MAML1: variants seen among roughly 807,000 people sequenced by gnomAD.
MAML1 encodes mastermind like transcriptional coactivator 1.
Under a neutral mutation model 77.1 loss-of-function variants are expected in MAML1, and 14 were observed. The observed-to-expected ratio is 0.18, with a 90% CI of 0.12 to 0.28. The LOEUF is 0.28. Ranked by LOEUF, MAML1 falls within the 10% of genes least tolerant of loss-of-function variation. The pLI, the probability that MAML1 is intolerant of heterozygous loss-of-function variation, is 1.00. For synonymous variants in MAML1, 516 were observed against 551.9 expected, an observed-to-expected ratio of 0.93 and a Z score of 0.91; for missense variants, 1,217 against 1,327.8, an observed-to-expected ratio of 0.92 and a Z score of 1.30.
Position 179,766,484 on chromosome 5 carries a change from C to T in MAML1, c.1474C>T (p.His492Tyr), listed in dbSNP as rs1779822019. The T allele has an allele frequency of 1.9e-6, 3 of 1,608,524 alleles. No individual in the cohort carries two copies. The highest frequency in any genetic ancestry group is 2.2e-5 in the East Asian group (1 of 44,858). Residue 492 changes from histidine (H) to tyrosine (Y), a missense_variant, in exon 2 of 5, where the codon CAC becomes TAC. Coordinates refer to ENST00000292599, the MANE Select transcript of MAML1 (RefSeq NM_014757.5). The surrounding 1 kb of genome is among the most constrained non-coding windows in gnomAD (Gnocchi z 4.0). Reference protein sequence around the residue: ...LQPSHVNLLSHQPPSNLNQNS... With the variant: ...LQPSHVNLLSYQPPSNLNQNS... ...GCCCAGCCATGTGAACCTGCTGAGTCACCAGCCACCGAGTAACTTGAATCA... is the reference window on the plus strand; with the variant it reads ...GCCCAGCCATGTGAACCTGCTGAGTTACCAGCCACCGAGTAACTTGAATCA...
chr5:179,772,892 TCTTTGTTTGTTTGTTTGAGA>T (rs1756034532), intron 4 of MAML1, among the ~76,000 whole-genome samples: 1 of 152,130 alleles, frequency 6.6e-6, no homozygotes, highest in African/African-American at 2.4e-5. Context: ...ACAACCCTGT[TCTTTGTTTGTTTGTTTGAGA>T]CAGAGTCTTG....
At chr5:179,743,047 T>G (rs1779312407) in intron 1 of MAML1, among the ~76,000 whole-genome samples, 1 of 3,020 alleles carries the variant, frequency 3.3e-4, no homozygotes, top group Non-Finnish European at 7.4e-3. Flanking sequence ...CCCTTCACAC[T>G]TTTTTTTTTT....
intron 1 of MAML1, among the ~76,000 whole-genome samples, chr5:179,734,681 G>A (rs1187334653): frequency 3.3e-5 from 5 of 152,080 alleles, no homozygotes; most frequent in African/African-American, 1.2e-4. Context: ...GCCCAGGCTG[G>A]AGTGCAGAGG....
chr5:179,769,386 C>T lies in MAML1; in HGVS notation c.1971+297C>T, dbSNP rs111263820. On this transcript the variant is annotated intron_variant, in intron 3 of 4. Transcript: ENST00000292599. This position sits in a 1 kb window ranked among gnomAD's most constrained non-coding sequence, Gnocchi z 4.2. ...TGTTTCAGGTCAGCAGCTTCCAAGC[C>T]ACTGAGCTCACGTGTCTGTCATTCC... is the stretch of plus-strand genomic sequence containing the variant. Among the ~76,000 whole-genome samples the T allele has an allele frequency of 0.014, 2,081 of 152,220 alleles. 41 individuals are homozygous for T. Among genetic ancestry groups the T allele is most frequent in the African/African-American group, 0.044 (1,842 of 41,528 alleles).
chr5:179,756,691 T>G (rs1581936804), intron 1 of MAML1, among the ~76,000 whole-genome samples: 1 of 151,754 alleles, frequency 6.6e-6, no homozygotes. Flanking sequence ...TCATAAAGGG[T>G]GTGTTAGATC....
intron 1 of MAML1, among the ~76,000 whole-genome samples, chr5:179,745,859 CAAAAAA>C (rs36036714): frequency 2.0e-4 from 13 of 63,458 alleles, no homozygotes; most frequent in East Asian, 1.4e-3. Context: ...AACTCCGTCT[CAAAAAA>C]AAAAAAAAAA....
chr5:179,754,514 C>T (rs967246987), intron 1 of MAML1, among the ~76,000 whole-genome samples: 5 of 151,440 alleles, frequency 3.3e-5, no homozygotes, highest in Non-Finnish European at 5.9e-5. Flanking sequence ...AGATAGAGCT[C>T]GGGAGGTGGA....
At chr5:179,735,645 C>T (rs941324011) in intron 1 of MAML1, among the ~76,000 whole-genome samples, 1 of 151,600 alleles carries the variant, frequency 6.6e-6, no homozygotes, top group Non-Finnish European at 1.5e-5. Flanking sequence ...CCCACCTCGG[C>T]CTCCCAAAGT....
intron 4 of MAML1, among the ~76,000 whole-genome samples, chr5:179,773,532 C>T (rs1440492729): frequency 6.6e-6 from 1 of 152,202 alleles, no homozygotes; most frequent in East Asian, 1.9e-4. Flanking sequence ...TGCGCCCCAT[C>T]GTGCCATGTG....
chr5:179,747,347 C>T (rs1779401095), intron 1 of MAML1, among the ~76,000 whole-genome samples: 2 of 152,100 alleles, frequency 1.3e-5, no homozygotes, highest in Non-Finnish European at 2.9e-5. Flanking sequence ...GGGCTAGGAC[C>T]AGTTGGGAAG....
chr5:179,755,605 A>G (rs1012874852), intron 1 of MAML1, among the ~76,000 whole-genome samples: 3 of 152,086 alleles, frequency 2.0e-5, no homozygotes, highest in Non-Finnish European at 4.4e-5. Context: ...GTTTGAGCTA[A>G]ATGAAGCTTG....
chr5:179,775,395 G>A lies in MAML1; in HGVS notation c.*518G>A. The A allele has an allele frequency of 1.0e-6, 1 of 985,322 alleles. No individual in the cohort carries two copies. 61.0% of individuals were successfully genotyped at this position (985,322 alleles called of 1,614,324 possible). On this transcript the variant is annotated 3_prime_UTR_variant, in exon 5 of 5. Coordinates refer to ENST00000292599, the MANE Select transcript of MAML1 (RefSeq NM_014757.5). Reference sequence around the variant, plus strand: ...AGGTGATGGTTTAAATCAATTAAGTGGCATTGGAAACCTAGGGTTTCCTTT... The same window carrying A: ...AGGTGATGGTTTAAATCAATTAAGTAGCATTGGAAACCTAGGGTTTCCTTT...
At chr5:179,770,260 A>G (rs541623791) in intron 3 of MAML1, among the ~76,000 whole-genome samples, 2 of 152,236 alleles carry the variant, frequency 1.3e-5, no homozygotes, top group South Asian at 4.1e-4. Context: ...CATCCTGGCT[A>G]ACACAGTGAA....
At chr5:179,753,366 C>T (rs532421152) in intron 1 of MAML1, among the ~76,000 whole-genome samples, 1 of 152,206 alleles carries the variant, frequency 6.6e-6, no homozygotes, top group Non-Finnish European at 1.5e-5. Context: ...CTTTTATTAC[C>T]CTCCGTGCTA....
chr5:179,768,506 A>C (rs1027459593), intron 2 of MAML1, among the ~76,000 whole-genome samples: 6 of 152,238 alleles, frequency 3.9e-5, no homozygotes, highest in Non-Finnish European at 7.3e-5. Flanking sequence ...CTGCACTCAG[A>C]TGTCCTGATA....
chr5:179,761,260 G>T (rs911621223), intron 1 of MAML1, among the ~76,000 whole-genome samples: 6 of 152,044 alleles, frequency 3.9e-5, no homozygotes, highest in Non-Finnish European at 8.8e-5. Flanking sequence ...CAGTTATGGT[G>T]GTTCATGCCT....
rs569561720 is a variant in MAML1 at position 179,775,628 on chromosome 5, C to T, written c.*751C>T. Reference sequence around the variant, plus strand: ...AAGGCCCCCAGGAATCCCTTCCTCCCATGTCCTGGCAGCAGGACCCCAGGC... The same window carrying T: ...AAGGCCCCCAGGAATCCCTTCCTCCTATGTCCTGGCAGCAGGACCCCAGGC... On this transcript the variant is annotated 3_prime_UTR_variant, in exon 5 of 5. Transcript: ENST00000292599. 9.1e-6 allele frequency: 9 copies of T among 985,472 alleles called. No homozygotes were observed. Among genetic ancestry groups the T allele is most frequent in the Admixed American group, 6.1e-5 (1 of 16,284 alleles). The allele number at this position is 985,472 out of a possible 1,614,324, so 61.0% of individuals were successfully genotyped here. A position where few individuals can be genotyped will look rare whatever the true frequency, so the allele number is the denominator to read the frequency against.
At chr5:179,743,885 A>G (rs1226978034) in intron 1 of MAML1, among the ~76,000 whole-genome samples, 1 of 152,178 alleles carries the variant, frequency 6.6e-6, no homozygotes, top group Non-Finnish European at 1.5e-5. Context: ...GGTGCTATTT[A>G]TAGTTGCAGG....
In MAML1 at chr5:179,765,879, C is replaced by A; in HGVS notation, c.869C>A (p.Thr290Asn). ...DPESSGSATQ[T>N]PLAQDINIKT... Reference sequence around the variant, plus strand: ...GAGTCTTCTGGCTCTGCCACACAAACCCCCTTGGCACAGGACATTAATATT... The same window carrying A: ...GAGTCTTCTGGCTCTGCCACACAAAACCCCTTGGCACAGGACATTAATATT... Residue 290 changes from threonine (T) to asparagine (N), a missense_variant, in exon 2 of 5, where the codon ACC becomes AAC. Physicochemically the swap from Thr to Asn is moderately conservative, Grantham distance 65 (BLOSUM62 0). Transcript: ENST00000292599. 1 of 1,614,138 alleles carries A rather than the reference C, an allele frequency of 6.2e-7. No homozygotes were observed. Among genetic ancestry groups the A allele is most frequent in the East Asian group, 2.2e-5 (1 of 44,864 alleles).
Sources: allele counts gnomAD v4.1 joint callset (sites outside exome capture counted in the v4.1 genomes callset), GRCh38; gene constraint gnomAD v4.1.1; non-coding constraint Gnocchi (gnomAD v3.1); transcripts MANE v1.5; gene names NCBI Gene and HGNC (gene_info 2026-07-23, HGNC 2026-07-21).